The following EPM2A variants were observed in gnomAD, a reference collection of about 807,000 sequenced individuals.
EPM2A encodes EPM2A glucan phosphatase, laforin.
In EPM2A, 21 loss-of-function variants were observed where a neutral mutation model predicts 26.5. The ratio of observed to expected loss-of-function variants is 0.79; its 90% confidence interval spans 0.56 to 1.14. The LOEUF (loss-of-function observed/expected upper bound fraction) is 1.14, where lower values mean the gene tolerates loss of function less well. Among genes scored for constraint, EPM2A ranks in the 50% most tolerant of loss-of-function variants. The pLI is 0.00. For synonymous variants in EPM2A, 217 were observed against 177.6 expected, an observed-to-expected ratio of 1.22 and a Z score of -1.76; for missense variants, 458 against 440.8, an observed-to-expected ratio of 1.04 and a Z score of -0.35.
intron 1 of EPM2A, among the ~76,000 whole-genome samples, chr6:145,687,454 C>G (rs1031968019): frequency 2.6e-5 from 4 of 151,920 alleles, no homozygotes; most frequent in African/African-American, 7.3e-5. Flanking sequence ...TACTAGTAAA[C>G]CTTGATTTCT....
At chr6:145,709,596 C>A (rs556099950) in intron 1 of EPM2A, among the ~76,000 whole-genome samples, 2 of 152,150 alleles carry the variant, frequency 1.3e-5, no homozygotes, top group East Asian at 3.8e-4. Flanking sequence ...TTATAAATTA[C>A]CCAGTCTCGA....
intron 4 of EPM2A, among the ~76,000 whole-genome samples, chr6:145,423,617 C>G (rs1020948231): frequency 2.0e-5 from 3 of 152,192 alleles, no homozygotes; most frequent in African/African-American, 7.2e-5. Flanking sequence ...GAAGGATAAG[C>G]TGAAGGGTTT....
At chr6:145,541,862 G>T (rs906657789) in intron 2 of EPM2A, among the ~76,000 whole-genome samples, 1 of 152,032 alleles carries the variant, frequency 6.6e-6, no homozygotes, top group East Asian at 1.9e-4. Flanking sequence ...GAAAGGCACA[G>T]AAAATTATAT....
chr6:145,544,582 G>A (rs529555715), intron 2 of EPM2A, among the ~76,000 whole-genome samples: 1 of 152,298 alleles, frequency 6.6e-6, no homozygotes, highest in African/African-American at 2.4e-5. Flanking sequence ...CAAACATCCT[G>A]TACTAAAATA....
chr6:145,595,489 G>T (rs1408179619), intron 2 of EPM2A, among the ~76,000 whole-genome samples: 3 of 150,654 alleles, frequency 2.0e-5, no homozygotes, highest in Non-Finnish European at 4.4e-5. Flanking sequence ...AATTTATATT[G>T]ATTTTAAATT....
chr6:145,393,987 C>G (rs1245076297), intron 4 of EPM2A, among the ~76,000 whole-genome samples: 1 of 151,876 alleles, frequency 6.6e-6, no homozygotes, highest in African/African-American at 2.4e-5. Flanking sequence ...CCATACCTGG[C>G]TAATTTTTTG....
intron 2 of EPM2A, among the ~76,000 whole-genome samples, chr6:145,607,532 AAAC>A (rs1344412873): frequency 1.3e-5 from 2 of 152,186 alleles, no homozygotes; most frequent in African/African-American, 4.8e-5. Context: ...TAGGTGAAGA[AAAC>A]AATGCCGACC....
chr6:145,582,341 A>G (rs1562391248), intron 2 of EPM2A, among the ~76,000 whole-genome samples: 1 of 151,994 alleles, frequency 6.6e-6, no homozygotes, highest in Non-Finnish European at 1.5e-5. Flanking sequence ...TTTGCTGAGA[A>G]TTGTCTAATG....
chr6:145,685,701 C>G (rs536586952), intron 2 of EPM2A, among the ~76,000 whole-genome samples: 1 of 152,256 alleles, frequency 6.6e-6, no homozygotes, highest in South Asian at 2.1e-4. Context: ...CACATTCAAT[C>G]TAGTTCTGTG....
At chr6:145,718,873 T>C (rs1775791129) in intron 1 of EPM2A, among the ~76,000 whole-genome samples, 1 of 151,994 alleles carries the variant, frequency 6.6e-6, no homozygotes, top group Non-Finnish European at 1.5e-5. Flanking sequence ...CATGAAAAAA[T>C]GCTCATCATC....
At chr6:145,479,956 TAGTTGCAA>T (rs1417693536) in intron 4 of EPM2A, among the ~76,000 whole-genome samples, 1 of 152,070 alleles carries the variant, frequency 6.6e-6, no homozygotes, top group Non-Finnish European at 1.5e-5. Context: ...GCCATGCCAG[TAGTTGCAA>T]AGTGGTATCT....
At chr6:145,726,362 C>T (rs943844470) in intron 1 of EPM2A, among the ~76,000 whole-genome samples, 18 of 152,054 alleles carry the variant, frequency 1.2e-4, no homozygotes, top group African/African-American at 4.3e-4. Flanking sequence ...GACAAATCCT[C>T]CATATAAATA....
At chr6:145,450,831 T>G (rs1018295913) in intron 4 of EPM2A, among the ~76,000 whole-genome samples, 1 of 152,212 alleles carries the variant, frequency 6.6e-6, no homozygotes, top group Non-Finnish European at 1.5e-5. Context: ...ACATTATTTG[T>G]CTTCCATCTC....
chr6:145,482,432 A>C (rs566518141), intron 4 of EPM2A, among the ~76,000 whole-genome samples: 1 of 152,128 alleles, frequency 6.6e-6, no homozygotes, highest in Non-Finnish European at 1.5e-5. Flanking sequence ...TCTACTTTTT[A>C]TTACAGCATG....
intron 2 of EPM2A, among the ~76,000 whole-genome samples, chr6:145,539,126 C>G (rs1297328665): frequency 6.6e-6 from 1 of 152,188 alleles, no homozygotes; most frequent in East Asian, 1.9e-4. Context: ...TAAATTCCTT[C>G]TACACAAACA....
At chr6:145,598,532 AT>A (rs1197979647) in intron 2 of EPM2A, among the ~76,000 whole-genome samples, 7 of 152,166 alleles carry the variant, frequency 4.6e-5, no homozygotes, top group African/African-American at 1.2e-4. Flanking sequence ...TAGTTTGCAA[AT>A]ATTTTCTCTC....
chr6:145,578,931 C>G (rs1361435875), intron 2 of EPM2A, among the ~76,000 whole-genome samples: 1 of 151,550 alleles, frequency 6.6e-6, no homozygotes, highest in Non-Finnish European at 1.5e-5. Flanking sequence ...TGTTCTCACT[C>G]ATAGGTGGGA....
intron 3 of EPM2A, among the ~76,000 whole-genome samples, chr6:145,633,341 A>T (rs1319634757): frequency 6.6e-6 from 1 of 152,158 alleles, no homozygotes; most frequent in Non-Finnish European, 1.5e-5. Flanking sequence ...CTGTTTTGAA[A>T]CCAGGAAAAC....
intron 4 of EPM2A, among the ~76,000 whole-genome samples, chr6:145,472,458 T>C (rs760889973): frequency 6.6e-6 from 1 of 151,806 alleles, no homozygotes; most frequent in Non-Finnish European, 1.5e-5. Flanking sequence ...CCAAGCAGGG[T>C]CATGGGGTCC....
Sources: allele counts gnomAD v4.1 joint callset (sites outside exome capture counted in the v4.1 genomes callset), GRCh38; gene constraint gnomAD v4.1.1; transcripts MANE v1.5; gene names NCBI Gene and HGNC (gene_info 2026-07-23, HGNC 2026-07-21).